CNBP: variants seen among roughly 807,000 people sequenced by gnomAD.
CNBP encodes cellular nucleic acid-binding protein.
CNBP carries 6 observed loss-of-function variants against 21.2 expected under a neutral mutation model. The observed-to-expected ratio is 0.28, with a 90% CI of 0.16 to 0.56. The LOEUF is 0.56. Ranked by LOEUF, CNBP falls within the 20% of genes least tolerant of loss-of-function variation. CNBP has a pLI of 0.93. For missense variants in CNBP, 112 were observed against 233.1 expected (o/e 0.48, Z 3.38); for synonymous variants, 61 against 74.9 (o/e 0.81, Z 0.96).
Position 129,168,726 on chromosome 3 carries a change from C to T in CNBP, c.*1727G>A, listed in dbSNP as rs1055358388. Among the ~76,000 whole-genome samples the T allele has an allele frequency of 6.7e-6, 1 of 148,318 alleles. No homozygotes were observed. The highest frequency in any genetic ancestry group is 2.5e-5 in the African/African-American group (1 of 40,142). ...CCTGTAACACTAGCACTTTGGGGGGCGGGGCAGGTGGATCACCTGAGGTCA... is the reference window on the plus strand; with the variant it reads ...CCTGTAACACTAGCACTTTGGGGGGTGGGGCAGGTGGATCACCTGAGGTCA... On this transcript the variant is annotated 3_prime_UTR_variant, in exon 5 of 5. Coordinates refer to ENST00000422453, the MANE Select transcript of CNBP (RefSeq NM_003418.5).
chr3:129,172,021 A>G (rs576687684), intron 1 of CNBP, among the ~76,000 whole-genome samples: 113 of 152,120 alleles, frequency 7.4e-4, no homozygotes, highest in African/African-American at 2.4e-3. Context: ...AATACAAAAA[A>G]TTAGCCCGGT....
At position 129,168,016 on chromosome 3, in the gene CNBP, C is replaced by G. The variant is rs1004566723; in HGVS notation, c.*2437G>C. ...GTGCACAGCACAGCTGAGACACCAC[C>G]ATTTTAACACTGAATCACTATACCA... On this transcript the variant is annotated 3_prime_UTR_variant, in exon 5 of 5. Transcript: ENST00000422453. 6.6e-6 allele frequency among the ~76,000 whole-genome samples: 1 copy of G among 151,832 alleles called. No homozygotes were observed. Among genetic ancestry groups the G allele is most frequent in the African/African-American group, 2.4e-5 (1 of 41,120 alleles).
At chr3:129,175,586 C>A (rs923686129) in intron 1 of CNBP, among the ~76,000 whole-genome samples, 1 of 151,894 alleles carries the variant, frequency 6.6e-6, no homozygotes, top group Non-Finnish European at 1.5e-5. Context: ...TGCACCACCA[C>A]GCCCAGGTAA....
At chr3:129,173,722 T>C (rs1316315944) in intron 1 of CNBP, among the ~76,000 whole-genome samples, 1 of 152,226 alleles carries the variant, frequency 6.6e-6, no homozygotes, top group African/African-American at 2.4e-5. Context: ...CACACTTCCA[T>C]ATCTAAATAT....
chr3:129,170,712 A>T, intron 4 of CNBP, 142 bp from the exon 5 acceptor site: 1 of 676,082 alleles, frequency 1.5e-6, no homozygotes, highest in South Asian at 1.8e-5. Flanking sequence ...GTACACAACA[A>T]CATTTATCAA....
At chr3:129,177,556 T>C (rs114595718) in intron 1 of CNBP, among the ~76,000 whole-genome samples, 4,014 of 152,320 alleles carry the variant, frequency 0.026, 72 homozygotes, top group Admixed American at 0.036. Context: ...TTTCGCCAAT[T>C]ACCTTGGATT....
intron 1 of CNBP, among the ~76,000 whole-genome samples, chr3:129,182,387 T>C (rs985850442): frequency 6.6e-6 from 1 of 151,966 alleles, no homozygotes; most frequent in African/African-American, 2.4e-5. Flanking sequence ...TACTGAGCAA[T>C]GTTCTCTTTT....
chr3:129,172,644 GCAGGCAGGCAGGCAGACAGACAGACAGA>G (rs1285529325), intron 1 of CNBP, among the ~76,000 whole-genome samples: 19 of 111,900 alleles, frequency 1.7e-4, no homozygotes, highest in South Asian at 9.2e-4. Context: ...AGGCAGGCAG[GCAGGCAGGCAGGCAGACAGACAGACAGA>G]CAGACAGACA....
chr3:129,178,799 G>A (rs1938092839), intron 1 of CNBP, among the ~76,000 whole-genome samples: 1 of 151,454 alleles, frequency 6.6e-6, no homozygotes, highest in Admixed American at 6.6e-5. Flanking sequence ...CTGGAGTGCA[G>A]TGGCACGATC....
rs764698140 is a variant in CNBP, at chr3:129,168,491, G to C, written c.*1962C>G. 2.3e-4 allele frequency among the ~76,000 whole-genome samples: 34 copies of C among 148,232 alleles called. No homozygotes were observed. The highest frequency in any genetic ancestry group is 4.2e-4 in the Non-Finnish European group (28 of 67,094). On this transcript the variant is annotated 3_prime_UTR_variant, in exon 5 of 5. Transcript: ENST00000422453. ...GGACACCTGTAATCCCAGCTATTTG[G>C]GAGGCTGAGGCAGGAGAATTACTTG...
In CNBP at chr3:129,169,279, TC is replaced by T. The variant is rs1400619741; in HGVS notation, c.*1173del. On this transcript the variant is annotated 3_prime_UTR_variant, in exon 5 of 5. Coordinates refer to ENST00000422453, the MANE Select transcript of CNBP (RefSeq NM_003418.5). ...CCAGCCTGGGCGACAAGAGTGAGAC[TC>T]CGTCTCCAAAACAAAACAAAACCAC... is the stretch of plus-strand genomic sequence containing the variant. Among the ~76,000 whole-genome samples the T allele has an allele frequency of 6.6e-6, 1 of 152,238 alleles. No homozygotes were observed. Among genetic ancestry groups the T allele is most frequent in the East Asian group, 1.9e-4 (1 of 5,176 alleles).
intron 1 of CNBP, among the ~76,000 whole-genome samples, chr3:129,177,286 C>T (rs1937971336): frequency 6.6e-6 from 1 of 152,144 alleles, no homozygotes; most frequent in South Asian, 2.1e-4. Context: ...TTCGTGAAAC[C>T]TGATGTACGT....
intron 1 of CNBP, among the ~76,000 whole-genome samples, chr3:129,172,421 A>C (rs1007251556): frequency 1.3e-5 from 2 of 151,906 alleles, no homozygotes; most frequent in Non-Finnish European, 1.5e-5. Flanking sequence ...GTCTCTACTA[A>C]AAATACAAAA....
intron 1 of CNBP, among the ~76,000 whole-genome samples, 152 bp downstream of exon 1, chr3:129,183,624 G>A (rs950365400): frequency 6.6e-6 from 1 of 152,244 alleles, no homozygotes; most frequent in Non-Finnish European, 1.5e-5. Context: ...CCGAGGCGGC[G>A]GCAGCAGCCG....
rs1215763319 is a variant in CNBP, at chr3:129,170,429, A to T, written c.*24T>A. On this transcript the variant is annotated 3_prime_UTR_variant, in exon 5 of 5. Coordinates refer to ENST00000422453, the MANE Select transcript of CNBP (RefSeq NM_003418.5). ...AATAATACAACCATCAATCAGAAAA[A>T]GGAGGGGCGACAAAGGAAAATAATT... The T allele has an allele frequency of 6.4e-7, 1 of 1,572,548 alleles. No individual in the cohort carries two copies. Among genetic ancestry groups the T allele is most frequent in the Non-Finnish European group, 8.8e-7 (1 of 1,142,162 alleles).
chr3:129,179,148 G>A (rs927335897), intron 1 of CNBP, among the ~76,000 whole-genome samples: 1 of 151,952 alleles, frequency 6.6e-6, no homozygotes, highest in Non-Finnish European at 1.5e-5. Context: ...GTGGTGGCCC[G>A]TGCCTGTAGT....
chr3:129,171,344 TATACA>T (rs752952910), intron 3 of CNBP, 67 bp from the exon 4 acceptor site: 13 of 1,605,144 alleles, frequency 8.1e-6, no homozygotes, highest in Admixed American at 6.7e-5. Flanking sequence ...CGTTTTAAAT[TATACA>T]ATACAAAACC....
intron 1 of CNBP, among the ~76,000 whole-genome samples, chr3:129,180,192 C>A (rs1469882717): frequency 6.6e-6 from 1 of 151,202 alleles, no homozygotes; most frequent in Non-Finnish European, 1.5e-5. Flanking sequence ...AAAAAAAAAG[C>A]CACGCACATT....
rs1231786617 is a variant in CNBP, at chr3:129,169,684, G to C, written c.*769C>G. On this transcript the variant is annotated 3_prime_UTR_variant, in exon 5 of 5. Coordinates refer to ENST00000422453, the MANE Select transcript of CNBP (RefSeq NM_003418.5). ...CTTTTAAAAACTGATTACAGCAAAT[G>C]AAACACAGTTGTCTAAGTGATATAG... The C allele has an allele frequency of 4.7e-6, 1 of 212,760 alleles. No homozygotes were observed. Among genetic ancestry groups the C allele is most frequent in the Non-Finnish European group, 9.5e-6 (1 of 105,044 alleles). 13.2% of individuals were successfully genotyped at this position (212,760 alleles called of 1,614,324 possible).
Sources: gnomAD v4.1 joint callset for allele counts (sites outside exome capture counted in the v4.1 genomes callset) on GRCh38, gnomAD v4.1.1 for gene constraint, MANE v1.5 for transcripts, NCBI Gene and HGNC (gene_info 2026-07-23, HGNC 2026-07-21) for gene names.